FBXL17: variants seen among roughly 807,000 people sequenced by gnomAD.
The protein encoded by FBXL17 is F-box and leucine rich repeat protein 17.
Under a neutral mutation model 66.2 loss-of-function variants are expected in FBXL17, and 22 were observed. That is an observed-to-expected ratio of 0.33 (90% CI 0.24 to 0.47). The LOEUF (loss-of-function observed/expected upper bound fraction) is 0.47, where lower values mean the gene tolerates loss of function less well. FBXL17 is among the 20% of genes least tolerant of loss of function. The probability of loss-of-function intolerance (pLI) is 1.00; values close to 1 mark genes in which losing one functional copy is unlikely to be tolerated. For synonymous variants in FBXL17, 474 were observed against 400.5 expected, an observed-to-expected ratio of 1.18 and a Z score of -2.19; for missense variants, 878 against 948.2, an observed-to-expected ratio of 0.93 and a Z score of 0.97.
intron 4 of FBXL17, among the ~76,000 whole-genome samples, chr5:108,344,713 GA>G (rs1373615236): frequency 6.6e-6 from 1 of 152,176 alleles, no homozygotes; most frequent in Admixed American, 6.5e-5. Context: ...AAAAAGTAGA[GA>G]AGCAGAATCT....
rs1747719171 is a variant in FBXL17, at chr5:108,056,612, C to CA, written c.1746-35612dup. ...TGATGACCTCTCAGTGAGATGTAGG[C>CA]AGCCACAGTGTTGAGACAGTGCTGT... On this transcript the variant is annotated intron_variant, in intron 6 of 8. Transcript: ENST00000542267. Among the ~76,000 whole-genome samples, 3 of 152,148 alleles carry CA rather than the reference C, an allele frequency of 2.0e-5. No individual in the cohort carries two copies. In the South Asian group the frequency reaches 6.2e-4, roughly 32 times the overall value.
intron 6 of FBXL17, among the ~76,000 whole-genome samples, chr5:108,115,584 G>A (rs1750217308): frequency 6.6e-6 from 1 of 151,178 alleles, no homozygotes. Flanking sequence ...CTGGGGGAAA[G>A]GAGAAATGCA....
intron 7 of FBXL17, among the ~76,000 whole-genome samples, chr5:108,010,868 T>C (rs1033045911): frequency 6.6e-6 from 1 of 152,172 alleles, no homozygotes; most frequent in Non-Finnish European, 1.5e-5. Flanking sequence ...CTGCATATTT[T>C]AAAAACTGGA....
chr5:108,050,733 G>A (rs1747438183), intron 6 of FBXL17, among the ~76,000 whole-genome samples: 1 of 151,764 alleles, frequency 6.6e-6, no homozygotes, highest in Non-Finnish European at 1.5e-5. Flanking sequence ...TAAGAGACAC[G>A]AAACTCCCCC....
At chr5:108,159,074 C>T (rs1341112636) in intron 6 of FBXL17, among the ~76,000 whole-genome samples, 1 of 152,074 alleles carries the variant, frequency 6.6e-6, no homozygotes, top group African/African-American at 2.4e-5. Context: ...GTAATGCAAT[C>T]TTTTAGATTT....
chr5:108,030,809 T>C (rs747059067), intron 6 of FBXL17, among the ~76,000 whole-genome samples: 1 of 152,116 alleles, frequency 6.6e-6, no homozygotes, highest in Non-Finnish European at 1.5e-5. Context: ...GGCAGGTGTT[T>C]GAAAGAGATG....
At chr5:108,320,405 T>C (rs1233452420) in intron 4 of FBXL17, among the ~76,000 whole-genome samples, 1 of 151,712 alleles carries the variant, frequency 6.6e-6, no homozygotes, top group Non-Finnish European at 1.5e-5. Flanking sequence ...ATCAAGTGAT[T>C]GTAACTTCTC....
rs80050021 is a variant in FBXL17, at chr5:108,081,875, T to C, written c.1746-60874A>G. On this transcript the variant is annotated intron_variant, in intron 6 of 8. Coordinates refer to ENST00000542267, the MANE Select transcript of FBXL17 (RefSeq NM_001163315.3). ...TCTCATCCAGCTTCCCTCCCGCTTC[T>C]ACTCTCTCCGAGTAAATTTCTAGAC... Among the ~76,000 whole-genome samples, 389 of 152,298 alleles carry C rather than the reference T, an allele frequency of 2.6e-3. 2 individuals carry two copies. The highest frequency in any genetic ancestry group is 8.9e-3 in the African/African-American group (372 of 41,570).
In FBXL17 at chr5:108,308,344, A is replaced by G. The variant is rs150928555; in HGVS notation, c.1506+40055T>C. Among the ~76,000 whole-genome samples, 8 of 152,252 alleles carry G rather than the reference A, an allele frequency of 5.3e-5. No individual in the cohort carries two copies. In the East Asian group the frequency reaches 1.3e-3, roughly 26 times the overall value. ...CATATTTATATGTTATCTCATTATA[A>G]TAATCCTATAAGGAAAATATTCCCA... is the stretch of plus-strand genomic sequence containing the variant. On this transcript the variant is annotated intron_variant, in intron 4 of 8. Coordinates refer to ENST00000542267, the MANE Select transcript of FBXL17 (RefSeq NM_001163315.3).
At chr5:108,219,103 T>C (rs987428681) in intron 5 of FBXL17, among the ~76,000 whole-genome samples, 18 of 152,238 alleles carry the variant, frequency 1.2e-4, no homozygotes, top group African/African-American at 4.3e-4. Context: ...TGATGTTCAA[T>C]TTTCTTCACT....
At position 107,859,137 on chromosome 5, in the gene FBXL17, A is replaced by T. The variant is rs1005668232; in HGVS notation, c.*2583T>A. The T allele has an allele frequency of 6.6e-6, 1 of 152,206 alleles. No homozygotes were observed. Among genetic ancestry groups the T allele is most frequent in the Non-Finnish European group, 1.5e-5 (1 of 68,030 alleles). The allele number at this position is 152,206 out of a possible 1,614,324, so 9.4% of individuals were successfully genotyped here. On this transcript the variant is annotated 3_prime_UTR_variant, in exon 9 of 9. Transcript: ENST00000542267. ...TTCTTTATCCACTCAAAAAGACATT[A>T]AAGACAAAGGACCAGAATTTTCCAC... is the stretch of plus-strand genomic sequence containing the variant.
intron 8 of FBXL17, chr5:107,878,292 T>A: frequency 1.1e-6 from 1 of 943,902 alleles, no homozygotes; most frequent in Non-Finnish European, 1.3e-6. Context: ...AATATAATTT[T>A]TTTTTCTCAT....
intron 6 of FBXL17, among the ~76,000 whole-genome samples, chr5:108,073,829 T>C (rs1206481468): frequency 6.8e-6 from 1 of 147,590 alleles, no homozygotes; most frequent in African/African-American, 2.4e-5. Flanking sequence ...CCTTTCCACC[T>C]TCTGCCATGA....
At chr5:108,380,600 C>A (rs1369140732) in intron 1 of FBXL17, 99 bp downstream of exon 1, 7 of 748,878 alleles carry the variant, frequency 9.3e-6, no homozygotes, top group African/African-American at 9.2e-5. Context: ...CCAGGGAACC[C>A]CCCTCCTCCG....
chr5:108,321,085 T>C (rs185070179), intron 4 of FBXL17, among the ~76,000 whole-genome samples: 44 of 151,902 alleles, frequency 2.9e-4, no homozygotes, highest in African/African-American at 1.1e-3. Flanking sequence ...TATAAGAAAT[T>C]ATTTTTTTCT....
At chr5:108,221,094 A>G (rs1468735397) in intron 5 of FBXL17, among the ~76,000 whole-genome samples, 3 of 152,208 alleles carry the variant, frequency 2.0e-5, no homozygotes, top group Non-Finnish European at 2.9e-5. Context: ...AGCAGCTTAG[A>G]AAGGCTTCTT....
intron 4 of FBXL17, among the ~76,000 whole-genome samples, chr5:108,242,955 C>T (rs1755927987): frequency 6.6e-6 from 1 of 152,098 alleles, no homozygotes; most frequent in Non-Finnish European, 1.5e-5. Context: ...AAAACTGACC[C>T]TTTGTCAACA....
intron 7 of FBXL17, among the ~76,000 whole-genome samples, chr5:107,963,005 T>C (rs762206245): frequency 3.3e-5 from 5 of 152,172 alleles, no homozygotes; most frequent in Admixed American, 2.6e-4. Flanking sequence ...CATTTGAAAC[T>C]GAAAATTATA....
intron 6 of FBXL17, among the ~76,000 whole-genome samples, chr5:108,066,386 T>C (rs573699425): frequency 5.3e-5 from 8 of 152,126 alleles, no homozygotes; most frequent in Non-Finnish European, 7.4e-5. Flanking sequence ...TTGGGATATG[T>C]ACTTGTTATG....
Sources: allele counts gnomAD v4.1 joint callset (sites outside exome capture counted in the v4.1 genomes callset), GRCh38; gene constraint gnomAD v4.1.1; transcripts MANE v1.5; gene names NCBI Gene and HGNC (gene_info 2026-07-23, HGNC 2026-07-21).